Variants in AP4B1 observed in about 807,000 individuals in gnomAD.
The protein encoded by AP4B1 is AP-4 complex subunit beta-1.
Under a neutral mutation model 76.5 loss-of-function variants are expected in AP4B1, and 49 were observed. That is an observed-to-expected ratio of 0.64 (90% CI 0.51 to 0.81). The LOEUF is 0.81. AP4B1 is among the 40% of genes least tolerant of loss of function. The pLI is 0.00. For synonymous variants in AP4B1, 330 were observed against 333.3 expected (o/e 0.99, Z 0.11); for missense variants, 911 against 904.9 (o/e 1.01, Z -0.09).
At chr1:113,904,550 C>A in intron 1 of AP4B1, 55 bp downstream of exon 1, 1 of 1,524,942 alleles carries the variant, frequency 6.6e-7, no homozygotes, top group East Asian at 2.3e-5. Flanking sequence ...GGCTAGTGAG[C>A]CCTGATGGGG....
At chr1:113,904,504 C>T (rs1668717380) in intron 1 of AP4B1, 101 bp downstream of exon 1, 1 of 1,091,500 alleles carries the variant, frequency 9.2e-7, no homozygotes, top group South Asian at 1.2e-5. Flanking sequence ...ATAACTGCCA[C>T]GTGTGAAAGC....
intron 7 of AP4B1, chr1:113,897,221 T>C (rs912369200): frequency 1.9e-5 from 3 of 157,686 alleles, no homozygotes; most frequent in Non-Finnish European, 4.2e-5. Flanking sequence ...TACGTCCAAA[T>C]CTTTGTAAAA....
At chr1:113,896,935 G>C (rs1245745296) in intron 7 of AP4B1, 4 of 182,604 alleles carry the variant, frequency 2.2e-5, no homozygotes, top group Non-Finnish European at 4.6e-5. Flanking sequence ...CCTGAGGTCA[G>C]GAGTTCGAGA....
At chr1:113,902,061 GT>G (rs1158293291) in intron 2 of AP4B1, 176 bp from the exon 3 acceptor site, 2 of 822,436 alleles carry the variant, frequency 2.4e-6, no homozygotes, top group Non-Finnish European at 1.9e-6. Context: ...TTTTTTTCTT[GT>G]TTTTTTCAAG....
In AP4B1 at chr1:113,898,914, A is replaced by G. The variant is rs1294876669; in HGVS notation, c.1115-113T>C. 5.6e-6 allele frequency: 6 copies of G among 1,064,528 alleles called. No homozygotes were observed. In the South Asian group the frequency reaches 8.6e-5, roughly 15 times the overall value. The allele number at this position is 1,064,528 out of a possible 1,614,324, so 65.9% of individuals were successfully genotyped here. A position where few individuals can be genotyped will look rare whatever the true frequency, so the allele number is the denominator to read the frequency against. On this transcript the variant is annotated intron_variant, in intron 5 of 9. Coordinates refer to ENST00000369569, the MANE Select transcript of AP4B1 (RefSeq NM_001253852.3). ...GAAACAGAATTATCTAAAAAAAAAA[A>G]AAAGAAAAAAATTCACTCCTTACTT...
chr1:113,898,264 G>A (rs1034302990), intron 6 of AP4B1, among the ~76,000 whole-genome samples: 2 of 152,168 alleles, frequency 1.3e-5, no homozygotes, highest in African/African-American at 4.8e-5. Context: ...AGAACCACCA[G>A]GCCTGGGAAA....
rs940146853 is a variant in AP4B1 at position 113,900,102 on chromosome 1, T to C, written c.916A>G (p.Ser306Gly). ...TGGCTGCTAAAGTGACCTGGTAAAC[T>C]ATGCAAGATCTGGCGTACATGACAA... ...ALCHVRQILH[S>G]LPGHFSSHYK... The change falls in exon 5 of 10, where the codon AGT becomes GGT. Residue 306 changes from serine to glycine, a missense_variant. Physicochemically the swap from Ser to Gly is moderately conservative, Grantham distance 56. Coordinates refer to ENST00000369569, the MANE Select transcript of AP4B1 (RefSeq NM_001253852.3). 7 of 1,614,080 alleles carry C rather than the reference T, an allele frequency of 4.3e-6. No individual in the cohort carries two copies. The highest frequency in any genetic ancestry group is 4.0e-5 in the African/African-American group (3 of 74,922).
intron 2 of AP4B1, chr1:113,902,158 G>T (rs1031103810): frequency 2.2e-6 from 1 of 459,996 alleles, no homozygotes; most frequent in Non-Finnish European, 4.0e-6. Context: ...TCCTGCCTCA[G>T]CCTTCCTAGT....
rs1329799279 is a variant in AP4B1, at chr1:113,897,854, T to C, written c.1288A>G (p.Ile430Val). ...CQALPGCEENIQDSEGKQALI... is the reference protein window; with the variant it reads ...CQALPGCEENVQDSEGKQALI... ...TTACAGTCTACCTCACTATCTTGAATGTTCTCTTCACAGCCGGGCAGGGCC... is the reference window on the plus strand; with the variant it reads ...TTACAGTCTACCTCACTATCTTGAACGTTCTCTTCACAGCCGGGCAGGGCC... Residue 430 changes from isoleucine to valine, a missense_variant, in exon 7 of 10, where the codon ATT becomes GTT. Coordinates refer to ENST00000369569, the MANE Select transcript of AP4B1 (RefSeq NM_001253852.3). 15 of 1,614,164 alleles carry C rather than the reference T, an allele frequency of 9.3e-6. No individual in the cohort carries two copies. Among genetic ancestry groups the C allele is most frequent in the Admixed American group, 1.7e-5 (1 of 60,026 alleles).
chr1:113,899,031 A>C, intron 5 of AP4B1: 1 of 1,222,074 alleles, frequency 8.2e-7, no homozygotes, highest in East Asian at 2.8e-5. Flanking sequence ...GCTCATAGCA[A>C]AACAATTCCC....
intron 5 of AP4B1, 141 bp from the exon 6 acceptor site, chr1:113,898,942 T>C (rs758310945): frequency 2.0e-5 from 19 of 939,636 alleles, no homozygotes; most frequent in Non-Finnish European, 3.0e-5. Flanking sequence ...CCTTACTTGA[T>C]GAACTAAGAA....
intron 5 of AP4B1, 124 bp from the exon 6 acceptor site, chr1:113,898,925 A>G: frequency 2.0e-6 from 2 of 994,360 alleles, no homozygotes; most frequent in Admixed American, 5.3e-5. Context: ...AAAGAAAAAA[A>G]TTCACTCCTT....
rs200301524 is a variant in AP4B1 at position 113,902,872 on chromosome 1, G to A, written c.114-10C>T. On this transcript the variant is annotated splice_polypyrimidine_tract_variant and intron_variant, in intron 1 of 9. Coordinates refer to ENST00000369569, the MANE Select transcript of AP4B1 (RefSeq NM_001253852.3). ...GCCTTGAGTCATGTACCTGAACAAC[G>A]CACATGACAGAAGGAAGTAAAATGC... 21 of 1,612,982 alleles carry A rather than the reference G, an allele frequency of 1.3e-5. No homozygotes were observed. In the East Asian group the frequency reaches 2.0e-4, roughly 15 times the overall value.
At position 113,897,895 on chromosome 1, in the gene AP4B1, G is replaced by C. The variant is rs553444896; in HGVS notation, c.1247C>G (p.Thr416Ser). 6.2e-7 allele frequency: 1 copy of C among 1,614,134 alleles called. No homozygotes were observed. Among genetic ancestry groups the C allele is most frequent in the African/African-American group, 1.3e-5 (1 of 75,024 alleles). Residue 416 changes from threonine to serine, a missense_variant, in exon 7 of 10, where the codon ACT (threonine) becomes AGT (serine). Physicochemically the swap from Thr to Ser is moderately conservative, Grantham distance 58. Coordinates refer to ENST00000369569, the MANE Select transcript of AP4B1 (RefSeq NM_001253852.3). ...GGGCAGGGCCTGACATACAGCTTCA[G>C]TACACTGAGGACACAACCAAACCAG... ...RDLVWLCPQCTEAVCQALPGC... is the reference protein window; with the variant it reads ...RDLVWLCPQCSEAVCQALPGC...
chr1:113,898,636 C>T (rs1004457195), intron 6 of AP4B1, 82 bp downstream of exon 6: 8 of 1,048,488 alleles, frequency 7.6e-6, no homozygotes, highest in African/African-American at 1.6e-5. Flanking sequence ...ATTACTCATT[C>T]AACAACAAAC....
rs184472467 is a variant in AP4B1 at position 113,899,762 on chromosome 1, T to C, written c.1114+142A>G. ...AAAAAACTCTCTTCCCCCGTGTTTG[T>C]AGTCACTGACCCAATTATTTAGTGC... On this transcript the variant is annotated intron_variant, in intron 5 of 9. Coordinates refer to ENST00000369569, the MANE Select transcript of AP4B1 (RefSeq NM_001253852.3). 7.3e-4 allele frequency: 981 copies of C among 1,343,108 alleles called. 17 individuals carry two copies. Among genetic ancestry groups the C allele is most frequent in the Admixed American group, 5.5e-3 (283 of 51,770 alleles). 83.2% of individuals were successfully genotyped at this position (1,343,108 alleles called of 1,614,324 possible).
At chr1:113,900,625 C>T (rs1234190193) in intron 4 of AP4B1, 1 of 589,660 alleles carries the variant, frequency 1.7e-6, no homozygotes, top group East Asian at 3.0e-5. Context: ...CCTCTAAGAC[C>T]AAAGACATGA....
Position 113,902,245 on chromosome 1 carries a change from G to A in AP4B1, c.339-360C>T, listed in dbSNP as rs564528571. 2.2e-4 allele frequency: 87 copies of A among 389,008 alleles called. 2 individuals carry two copies. The highest frequency in any genetic ancestry group is 1.8e-3 in the South Asian group (84 of 45,432). 24.1% of individuals were successfully genotyped at this position (389,008 alleles called of 1,614,324 possible). On this transcript the variant is annotated intron_variant, in intron 2 of 9. Coordinates refer to ENST00000369569, the MANE Select transcript of AP4B1 (RefSeq NM_001253852.3). ...TAGGCTCTCACCATCTTGCCCAGCT[G>A]GTCTCAAATTCCTGGGCTCAAGCAA... is the stretch of plus-strand genomic sequence containing the variant.
chr1:113,900,518 G>C, intron 4 of AP4B1, 118 bp from the exon 5 acceptor site: 1 of 1,236,966 alleles, frequency 8.1e-7, no homozygotes, highest in Non-Finnish European at 1.1e-6. Flanking sequence ...CTTAAAAATA[G>C]GCTGTGCCAT....
Sources: allele counts gnomAD v4.1 joint callset (sites outside exome capture counted in the v4.1 genomes callset), GRCh38; gene constraint gnomAD v4.1.1; transcripts MANE v1.5; gene names NCBI Gene and HGNC (gene_info 2026-07-23, HGNC 2026-07-21).